The following DGKK variants were observed in gnomAD, a reference collection of about 807,000 sequenced individuals.
The protein encoded by DGKK is 142 kDa diacylglycerol kinase.
DGKK carries 35 observed loss-of-function variants against 92.2 expected under a neutral mutation model. That is an observed-to-expected ratio of 0.38 (90% CI 0.29 to 0.50). The LOEUF (loss-of-function observed/expected upper bound fraction) is 0.50. DGKK is among the 20% of genes least tolerant of loss of function. The probability of loss-of-function intolerance (pLI) is 0.92; values close to 1 mark genes in which losing one functional copy is unlikely to be tolerated. For missense variants in DGKK, 910 were observed against 992.2 expected, an observed-to-expected ratio of 0.92 and a Z score of 1.11; for synonymous variants, 368 against 360.6, an observed-to-expected ratio of 1.02 and a Z score of -0.23.
rs1924697647 is a variant in DGKK, at chrX:50,391,596, C to T, written c.1705-20G>A. 2.5e-6 allele frequency: 3 copies of T among 1,208,833 alleles called. No individual in the cohort carries two copies. The highest frequency in any genetic ancestry group is 3.4e-6 in the Non-Finnish European group (3 of 893,294). ...CTGACACTGCAAGAACAAAAGGAGA[C>T]ACCCTTTTCAGACAGTCTTTCTACC... On this transcript the variant is annotated intron_variant, in intron 10 of 27. Coordinates refer to ENST00000611977, the MANE Select transcript of DGKK (RefSeq NM_001013742.4).
intron 1 of DGKK, among the ~76,000 whole-genome samples, chrX:50,452,181 G>A (rs1263419006): frequency 9.0e-6 from 1 of 111,430 alleles, no homozygotes; most frequent in African/African-American, 3.3e-5. Flanking sequence ...ACAGAGCTAG[G>A]AAATGACAGA....
intron 1 of DGKK, among the ~76,000 whole-genome samples, chrX:50,459,132 G>A (rs1234775975): frequency 3.6e-5 from 4 of 111,768 alleles, no homozygotes; most frequent in Non-Finnish European, 5.7e-5. Flanking sequence ...TTGGAAAAGC[G>A]ATAATGCATT....
At chrX:50,440,029 A>G (rs1376903080) in intron 1 of DGKK, among the ~76,000 whole-genome samples, 2 of 111,720 alleles carry the variant, frequency 1.8e-5, no homozygotes, top group Non-Finnish European at 3.8e-5. Context: ...GTATCTCTTT[A>G]AATTTAGCAC....
Position 50,403,597 on chromosome X carries a change from A to G in DGKK, c.1079T>C (p.Val360Ala), listed in dbSNP as rs1557226901. The G allele has an allele frequency of 8.4e-7, 1 of 1,194,406 alleles. No individual in the cohort carries two copies. Among genetic ancestry groups the G allele is most frequent in the Admixed American group, 2.2e-5 (1 of 45,990 alleles). The stretch of plus-strand genomic sequence containing the variant: ...CAATCTGTGAGATTTCACTTTGCAC[A>G]CTGTGAGAAGAGGAAGAGAAAAGAT... ...ALSRDAIICEVCKVKSHRLCA... is the reference protein window; with the variant it reads ...ALSRDAIICEACKVKSHRLCA... Residue 360 changes from valine (V) to alanine (A), a missense_variant and splice_region_variant, in exon 6 of 28, where the codon GTG (valine) becomes GCG (alanine). Coordinates refer to ENST00000611977, the MANE Select transcript of DGKK (RefSeq NM_001013742.4).
In DGKK at chrX:50,459,349, C is replaced by CA. The variant is rs782120614; in HGVS notation, c.645+10684dup. Among the ~76,000 whole-genome samples, 24 of 110,614 alleles carry CA rather than the reference C, an allele frequency of 2.2e-4. No homozygotes were observed. The East Asian group carries it at 6.6e-3, about 31-fold the overall frequency. Reference sequence around the variant, plus strand: ...TACGGAGTACAAAGTACTTCCCACACAAAAAAACAACCTTTCAAGCTGTTT... The same window carrying CA: ...TACGGAGTACAAAGTACTTCCCACACAAAAAAAACAACCTTTCAAGCTGTTT... On this transcript the variant is annotated intron_variant, in intron 1 of 27. Coordinates refer to ENST00000611977, the MANE Select transcript of DGKK (RefSeq NM_001013742.4).
At chrX:50,412,529 G>A (rs183370835) in intron 4 of DGKK, among the ~76,000 whole-genome samples, 50 of 111,996 alleles carry the variant, frequency 4.5e-4, no homozygotes, top group African/African-American at 1.6e-3. Context: ...AAAAGACCCT[G>A]AATAGCTAAA....
chrX:50,394,578 G>C (rs1924793242), intron 8 of DGKK, among the ~76,000 whole-genome samples: 1 of 111,896 alleles, frequency 8.9e-6, no homozygotes, highest in Admixed American at 9.5e-5. Context: ...TTTTACTAAA[G>C]TAATATGTTG....
At position 50,435,197 on chromosome X, in the gene DGKK, G is replaced by T. The variant is rs150866204; in HGVS notation, c.646-10839C>A. The stretch of plus-strand genomic sequence containing the variant: ...ATCGACTGAGACATTGTTATGCAGC[G>T]CATGCCTGTATGTAACTTATTTGGC... On this transcript the variant is annotated intron_variant, in intron 1 of 27. Transcript: ENST00000611977. Among the ~76,000 whole-genome samples, 139 of 112,576 alleles carry T rather than the reference G, an allele frequency of 1.2e-3. 1 individual carries two copies. Among genetic ancestry groups the T allele is most frequent in the African/African-American group, 4.2e-3 (129 of 31,075 alleles).
At chrX:50,377,703 A>G (rs1924308539) in intron 22 of DGKK, among the ~76,000 whole-genome samples, 1 of 112,450 alleles carries the variant, frequency 8.9e-6, no homozygotes, top group African/African-American at 3.2e-5. Flanking sequence ...TGTTCAATGC[A>G]GAATCTGTTG....
At chrX:50,414,377 C>T (rs973979425) in intron 4 of DGKK, among the ~76,000 whole-genome samples, 9 of 110,724 alleles carry the variant, frequency 8.1e-5, no homozygotes, top group Admixed American at 6.7e-4. Flanking sequence ...GATAGGTAAT[C>T]GGGGTGATGG....
intron 1 of DGKK, among the ~76,000 whole-genome samples, chrX:50,451,002 C>T (rs374845653): frequency 9.0e-6 from 1 of 111,678 alleles, no homozygotes; most frequent in Non-Finnish European, 1.9e-5. Context: ...TGTTATGCTG[C>T]AATCTCAAGT....
intron 1 of DGKK, among the ~76,000 whole-genome samples, chrX:50,440,055 CT>C (rs1926130079): frequency 9.0e-6 from 1 of 111,587 alleles, no homozygotes; most frequent in South Asian, 3.8e-4. Context: ...CATTTCGAAT[CT>C]AATGCTCTCG....
intron 8 of DGKK, among the ~76,000 whole-genome samples, chrX:50,395,095 A>T (rs1378817590): frequency 9.0e-6 from 1 of 111,134 alleles, no homozygotes; most frequent in Non-Finnish European, 1.9e-5. Flanking sequence ...AAGATGTTGG[A>T]GGAAGCAGTG....
chrX:50,371,720 G>A lies in DGKK; in HGVS notation c.3612+4C>T, dbSNP rs781850231. On this transcript the variant is annotated splice_donor_region_variant and intron_variant, in intron 26 of 27. Transcript: ENST00000611977. ...TTTATTTCCCAATTCCCAAGATTAC[G>A]CACCTCTGGAACAAAGATTGGATTC... 1.0e-4 allele frequency: 117 copies of A among 1,168,425 alleles called. No homozygotes were observed. Among genetic ancestry groups the A allele is most frequent in the Non-Finnish European group, 1.3e-4 (113 of 861,137 alleles).
chrX:50,413,149 C>A (rs782005136), intron 4 of DGKK, among the ~76,000 whole-genome samples: 2 of 110,540 alleles, frequency 1.8e-5, no homozygotes, highest in South Asian at 8.0e-4. Flanking sequence ...TCCATGGAAA[C>A]TAATCCCTGG....
intron 1 of DGKK, among the ~76,000 whole-genome samples, chrX:50,452,550 A>G (rs781974552): frequency 1.8e-5 from 2 of 111,843 alleles, no homozygotes; most frequent in Admixed American, 9.5e-5. Context: ...TGTGGCAGAG[A>G]TGGAAGCACA....
chrX:50,445,592 G>T (rs1471295611), intron 1 of DGKK, among the ~76,000 whole-genome samples: 1 of 110,938 alleles, frequency 9.0e-6, no homozygotes, highest in Non-Finnish European at 1.9e-5. Context: ...GATGGTTATA[G>T]GTGTGCAACC....
chrX:50,370,133 G>T (rs956129397), intron 27 of DGKK, among the ~76,000 whole-genome samples: 1 of 112,170 alleles, frequency 8.9e-6, no homozygotes, highest in Non-Finnish European at 1.9e-5. Flanking sequence ...CACAGAACCT[G>T]TTCCTGACCC....
At chrX:50,438,722 G>A (rs1926095342) in intron 1 of DGKK, among the ~76,000 whole-genome samples, 1 of 111,880 alleles carries the variant, frequency 8.9e-6, no homozygotes, top group South Asian at 3.8e-4. Flanking sequence ...GCAGTAACCT[G>A]CTGTGTGAGC....
Sources: allele counts gnomAD v4.1 joint callset (sites outside exome capture counted in the v4.1 genomes callset), GRCh38; gene constraint gnomAD v4.1.1; transcripts MANE v1.5; gene names NCBI Gene and HGNC (gene_info 2026-07-23, HGNC 2026-07-21).